AIM2: variants seen among roughly 807,000 people sequenced by gnomAD.
AIM2 encodes absent in melanoma 2.
In AIM2, 30 loss-of-function variants were observed where a neutral mutation model predicts 27.7. The observed-to-expected ratio is 1.08, with a 90% CI of 0.81 to 1.47. The LOEUF (loss-of-function observed/expected upper bound fraction) is 1.47, where lower values mean the gene tolerates loss of function less well. Among genes scored for constraint, AIM2 ranks in the 40% most tolerant of loss-of-function variants. AIM2 has a pLI of 0.00. For synonymous variants in AIM2, 141 were observed against 145.3 expected, an observed-to-expected ratio of 0.97 and a Z score of 0.21; for missense variants, 358 against 411.3, an observed-to-expected ratio of 0.87 and a Z score of 1.12.
chr1:159,057,751 TTCTC>T (rs950539891), downstream of AIM2, among the ~76,000 whole-genome samples: 5 of 152,218 alleles, frequency 3.3e-5, no homozygotes, highest in African/African-American at 1.2e-4. Flanking sequence ...CACAATTTCT[TTCTC>T]TCTAGTCCTC....
intron 1 of AIM2, among the ~76,000 whole-genome samples, chr1:159,111,525 C>T (rs73023743): frequency 0.043 from 6,586 of 151,976 alleles, 369 homozygotes; most frequent in African/African-American, 0.13. Flanking sequence ...AAACTACATC[C>T]GGAAGCAATT....
chr1:159,115,476 A>C (rs1201869657), intron 1 of AIM2, among the ~76,000 whole-genome samples: 10 of 152,162 alleles, frequency 6.6e-5, no homozygotes, highest in Non-Finnish European at 1.2e-4. Flanking sequence ...GTACTGGTAC[A>C]AAAACAGAGA....
upstream of AIM2, among the ~76,000 whole-genome samples, chr1:159,145,048 T>C (rs1164431184): frequency 6.6e-6 from 1 of 152,080 alleles, no homozygotes; most frequent in African/African-American, 2.4e-5. Context: ...CCATATACCA[T>C]CTTCTCATGT....
upstream of AIM2, among the ~76,000 whole-genome samples, chr1:159,141,587 T>C (rs1482962010): frequency 1.3e-5 from 2 of 151,852 alleles, no homozygotes; most frequent in Non-Finnish European, 1.5e-5. Flanking sequence ...GTAGTCAAAA[T>C]AAAAGAGGCA....
intron 2 of AIM2, among the ~76,000 whole-genome samples, chr1:159,072,782 A>C (rs375297512): frequency 3.2e-4 from 48 of 152,298 alleles, no homozygotes; most frequent in African/African-American, 1.2e-3. Context: ...CAAGGAGAGG[A>C]ATAGACAGAC....
chr1:159,078,858 G>A (rs560106427), upstream of AIM2, among the ~76,000 whole-genome samples: 2 of 152,288 alleles, frequency 1.3e-5, no homozygotes, highest in South Asian at 4.1e-4. Context: ...GGCTCCTACT[G>A]TAGCAACTGG....
At chr1:159,068,197 T>C (rs1172139792) in intron 3 of AIM2, among the ~76,000 whole-genome samples, 4 of 152,178 alleles carry the variant, frequency 2.6e-5, no homozygotes, top group Non-Finnish European at 5.9e-5. Flanking sequence ...AGGCCTCTAT[T>C]GCAACTACAT....
intron 1 of AIM2, among the ~76,000 whole-genome samples, chr1:159,098,361 C>T (rs1166033139): frequency 6.6e-6 from 1 of 152,090 alleles, no homozygotes; most frequent in Non-Finnish European, 1.5e-5. Flanking sequence ...GTGTGCTCTC[C>T]AACAGTTGCC....
intron 2 of AIM2, among the ~76,000 whole-genome samples, chr1:159,071,457 G>T (rs1206019485): frequency 6.6e-6 from 1 of 152,214 alleles, no homozygotes; most frequent in Non-Finnish European, 1.5e-5. Context: ...TTAGAGCTAT[G>T]AAGGAACTTA....
chr1:159,132,719 T>G (rs139098470), intron 1 of AIM2, among the ~76,000 whole-genome samples: 23 of 152,304 alleles, frequency 1.5e-4, no homozygotes, highest in Non-Finnish European at 3.1e-4. Flanking sequence ...GAGCTGGACA[T>G]ACAAATTAAA....
chr1:159,123,149 T>C (rs1206841806), intron 1 of AIM2, among the ~76,000 whole-genome samples: 4 of 152,204 alleles, frequency 2.6e-5, no homozygotes, highest in African/African-American at 7.2e-5. Context: ...ATAAAATCTC[T>C]GTCATTATCA....
intron 1 of AIM2, among the ~76,000 whole-genome samples, chr1:159,102,562 G>A (rs903704725): frequency 3.9e-5 from 6 of 152,248 alleles, no homozygotes; most frequent in Admixed American, 1.3e-4. Context: ...GAAAGCACCC[G>A]GCGGGGGAGC....
rs567434669 is a variant in AIM2 at position 159,089,678 on chromosome 1, T to C, written c.-15-23349A>G. 4.9e-4 allele frequency among the ~76,000 whole-genome samples: 75 copies of C among 152,316 alleles called. 1 individual carries two copies. The South Asian group carries it at 6.0e-3, about 12-fold the overall frequency. On this transcript the variant is annotated intron_variant, in intron 1 of 2. Transcript: ENST00000368129. ...TCACTCTGCTTAGTTCTTTAAATTA[T>C]GTACCAGTCAAAACAAAAATGGCCA...
intron 2 of AIM2, among the ~76,000 whole-genome samples, chr1:159,070,677 T>A (rs1656315571): frequency 6.6e-6 from 1 of 152,222 alleles, no homozygotes; most frequent in Non-Finnish European, 1.5e-5. Context: ...TGAACTGTCT[T>A]ATGAGGTAGT....
At chr1:159,115,425 T>G (rs1647306690) in intron 1 of AIM2, among the ~76,000 whole-genome samples, 1 of 152,154 alleles carries the variant, frequency 6.6e-6, no homozygotes, top group Non-Finnish European at 1.5e-5. Flanking sequence ...GCTACCTGAC[T>G]TCAAACTATA....
intron 1 of AIM2, among the ~76,000 whole-genome samples, chr1:159,099,547 A>G (rs968651266): frequency 3.9e-5 from 6 of 152,040 alleles, no homozygotes; most frequent in Non-Finnish European, 7.4e-5. Flanking sequence ...CTCTGTGCCC[A>G]TTTCAGGGAA....
rs923848188 is a variant in AIM2, at chr1:159,137,222, T to C, written c.-16+3209A>G. On this transcript the variant is annotated intron_variant, in intron 1 of 2. Transcript: ENST00000368129. ...GGTTTGAAAATTTGATGGAATAGTT[T>C]TTGTTGTTATAATGATTGGGGGCCA... is the stretch of plus-strand genomic sequence containing the variant. Among the ~76,000 whole-genome samples the C allele has an allele frequency of 5.9e-5, 9 of 152,286 alleles. No homozygotes were observed. In the East Asian group the frequency reaches 1.7e-3, roughly 29 times the overall value.
chr1:159,124,796 AG>A (rs1188502104), intron 1 of AIM2, among the ~76,000 whole-genome samples: 1 of 152,216 alleles, frequency 6.6e-6, no homozygotes, highest in African/African-American at 2.4e-5. Context: ...GTAGAGCAGG[AG>A]GAAAACAGGT....
intron 1 of AIM2, among the ~76,000 whole-genome samples, chr1:159,111,269 C>CT (rs1181663700): frequency 6.6e-6 from 1 of 152,254 alleles, no homozygotes; most frequent in Admixed American, 6.5e-5. Context: ...TTGGAAAGTG[C>CT]TGGGTATGTG....
Sources: gnomAD v4.1 joint callset for allele counts (sites outside exome capture counted in the v4.1 genomes callset) on GRCh38, gnomAD v4.1.1 for gene constraint, MANE v1.5 for transcripts, NCBI Gene and HGNC (gene_info 2026-07-23, HGNC 2026-07-21) for gene names.